DSC2: variants seen among roughly 807,000 people sequenced by gnomAD.
The protein encoded by DSC2 is desmocollin-2.
In DSC2, 51 loss-of-function variants were observed where a neutral mutation model predicts 87.6. The observed-to-expected ratio is 0.58, with a 90% CI of 0.46 to 0.74. DSC2 has a LOEUF of 0.74. Ranked by LOEUF, DSC2 falls within the 30% of genes least tolerant of loss-of-function variation. DSC2 has a pLI of 0.00. For synonymous variants in DSC2, 383 were observed against 393.2 expected (o/e 0.97, Z 0.31); for missense variants, 1,066 against 1,089.5 (o/e 0.98, Z 0.30).
In DSC2 at chr18:31,064,415, TACAA is replaced by T. The variant is rs1165920776; in HGVS notation, c.*3596_*3599del. On this transcript the variant is annotated 3_prime_UTR_variant, in exon 16 of 16. Transcript: ENST00000280904. ...CTGGGAAGGCATCAAATGACTACAGTACAAACAAAGTATTTAATGAATGAAATTG... is the reference window on the plus strand; with the variant it reads ...CTGGGAAGGCATCAAATGACTACAGTACAAAGTATTTAATGAATGAAATTG... 8 of 152,272 alleles carry T rather than the reference TACAA, an allele frequency of 5.3e-5. No homozygotes were observed. Among genetic ancestry groups the T allele is most frequent in the South Asian group, 2.1e-4 (1 of 4,828 alleles). The allele number at this position is 152,272 out of a possible 1,614,324, so 9.4% of individuals were successfully genotyped here.
rs563005744 is a variant in DSC2, at chr18:31,070,948, T to A, written c.2126-98A>T. On this transcript the variant is annotated intron_variant, in intron 13 of 15. Transcript: ENST00000280904. Reference sequence around the variant, plus strand: ...CACACATAAATCATAAACTTAAAAGTGTATATTAAAAGAAGACAGCTTTCC... The same window carrying A: ...CACACATAAATCATAAACTTAAAAGAGTATATTAAAAGAAGACAGCTTTCC... 3.8e-4 allele frequency: 551 copies of A among 1,439,284 alleles called. 1 individual carries two copies. The highest frequency in any genetic ancestry group is 4.9e-4 in the Non-Finnish European group (507 of 1,041,608). 89.2% of individuals were successfully genotyped at this position (1,439,284 alleles called of 1,614,324 possible). A position where few individuals can be genotyped will look rare whatever the true frequency, so the allele number is the denominator to read the frequency against.
intron 1 of DSC2, 58 bp downstream of exon 1, chr18:31,101,845 C>G: frequency 8.0e-7 from 1 of 1,256,794 alleles, no homozygotes; most frequent in South Asian, 1.3e-5. Context: ...CCCTAGTTTT[C>G]CTCTGCACCC....
rs1987627582 is a variant in DSC2, at chr18:31,092,249, G to T, written c.206C>A (p.Pro69His). 6.2e-7 allele frequency: 1 copy of T among 1,613,600 alleles called. No individual in the cohort carries two copies. Among genetic ancestry groups the T allele is most frequent in the African/African-American group, 1.3e-5 (1 of 74,870 alleles). ...TAANLIHSSD[P>H]DFQILEDGSV... ...ACCATCCTCCAAAATTTGGAAGTCA[G>T]GATCACTTGAATGAATTAGATTTGC... The change falls in exon 3 of 16, where the codon CCT (proline) becomes CAT (histidine). Residue 69 changes from proline (P) to histidine (H), a missense_variant. Pro to His is a moderately conservative substitution (Grantham distance 77). Transcript: ENST00000280904.
In DSC2 at chr18:31,064,377, A is replaced by G. The variant is rs1317489091; in HGVS notation, c.*3638T>C. On this transcript the variant is annotated 3_prime_UTR_variant, in exon 16 of 16. Transcript: ENST00000280904. Reference sequence around the variant, plus strand: ...CTTCTAGTCTCTGTTTTAAAAGGCTACATATGACTGCACTGGGAAGGCATC... The same window carrying G: ...CTTCTAGTCTCTGTTTTAAAAGGCTGCATATGACTGCACTGGGAAGGCATC... 1 of 152,204 alleles carries G rather than the reference A, an allele frequency of 6.6e-6. No homozygotes were observed. The highest frequency in any genetic ancestry group is 2.4e-5 in the African/African-American group (1 of 41,460). The allele number at this position is 152,204 out of a possible 1,614,324, so 9.4% of individuals were successfully genotyped here.
intron 1 of DSC2, among the ~76,000 whole-genome samples, chr18:31,096,602 C>T (rs1262334901): frequency 6.6e-6 from 1 of 152,170 alleles, no homozygotes; most frequent in African/African-American, 2.4e-5. Context: ...GAAGGCTTGA[C>T]ATGTGATCAC....
chr18:31,086,489 A>C (rs915506567), intron 7 of DSC2, 87 bp downstream of exon 7: 6 of 1,468,800 alleles, frequency 4.1e-6, no homozygotes, highest in Non-Finnish European at 5.7e-6. Flanking sequence ...GATTCACAAC[A>C]TACTTTTCAA....
chr18:31,096,949 TTAAG>T (rs1437463378), intron 1 of DSC2, among the ~76,000 whole-genome samples: 4 of 151,988 alleles, frequency 2.6e-5, no homozygotes, highest in Non-Finnish European at 5.9e-5. Flanking sequence ...AAGAAGAGAC[TTAAG>T]TAAGGAAGCA....
rs779088876 is a variant in DSC2, at chr18:31,068,914, T to G, written c.2488A>C (p.Thr830Pro). 6.2e-7 allele frequency: 1 copy of G among 1,613,634 alleles called. No homozygotes were observed. The highest frequency in any genetic ancestry group is 2.2e-5 in the East Asian group (1 of 44,876). Residue 830 changes from threonine (T) to proline (P), a missense_variant, in exon 15 of 16, where the codon ACT (threonine) becomes CCT (proline). Coordinates refer to ENST00000280904, the MANE Select transcript of DSC2 (RefSeq NM_024422.6). Reference protein sequence around the residue: ...RYTYSEWHSFTQPRLGEKVYL... With the variant: ...RYTYSEWHSFPQPRLGEKVYL... ...CTCACTTCACCAAGACGGGGCTGAGTAAAACTGTGCCACTCCGAGTAAGTG... is the reference window on the plus strand; with the variant it reads ...CTCACTTCACCAAGACGGGGCTGAGGAAAACTGTGCCACTCCGAGTAAGTG...
intron 1 of DSC2, among the ~76,000 whole-genome samples, chr18:31,099,758 G>A (rs1483097896): frequency 6.6e-6 from 1 of 152,116 alleles, no homozygotes; most frequent in African/African-American, 2.4e-5. Context: ...AGCCAGGTGT[G>A]GTCTGAAGAA....
At position 31,102,215 on chromosome 18, in the gene DSC2, C is replaced by G. The variant is rs1272136631; in HGVS notation, c.-244G>C. ...CGCGTCCAAAAGACACCGATCGGCCCCTCCTTGTTGTCTATTTAAGACTTA... is the reference window on the plus strand; with the variant it reads ...CGCGTCCAAAAGACACCGATCGGCCGCTCCTTGTTGTCTATTTAAGACTTA... On this transcript the variant is annotated 5_prime_UTR_variant, in exon 1 of 16. Transcript: ENST00000280904. The G allele has an allele frequency of 4.6e-6, 2 of 437,794 alleles. No individual in the cohort carries two copies. Among genetic ancestry groups the G allele is most frequent in the Non-Finnish European group, 7.9e-6 (2 of 251,704 alleles). The allele number at this position is 437,794 out of a possible 1,614,324, so 27.1% of individuals were successfully genotyped here. A position where few individuals can be genotyped will look rare whatever the true frequency, so the allele number is the denominator to read the frequency against.
At chr18:31,083,725 A>G (rs1336050713) in intron 7 of DSC2, among the ~76,000 whole-genome samples, 1 of 152,212 alleles carries the variant, frequency 6.6e-6, no homozygotes, top group Non-Finnish European at 1.5e-5. Context: ...TGTGGAAAAT[A>G]GAATCTGGCT....
rs1227635043 is a variant in DSC2, at chr18:31,066,298, G to A, written c.*1717C>T. 1 of 152,108 alleles carries A rather than the reference G, an allele frequency of 6.6e-6. No homozygotes were observed. The highest frequency in any genetic ancestry group is 1.5e-5 in the Non-Finnish European group (1 of 68,006). The allele number at this position is 152,108 out of a possible 1,614,324, so 9.4% of individuals were successfully genotyped here. A position where few individuals can be genotyped will look rare whatever the true frequency, so the allele number is the denominator to read the frequency against. ...TCTAAGGAAGGGGTCTTACTTCTCT[G>A]ATTCAGGGAGTGCGAAATCCCTTAA... On this transcript the variant is annotated 3_prime_UTR_variant, in exon 16 of 16. Coordinates refer to ENST00000280904, the MANE Select transcript of DSC2 (RefSeq NM_024422.6).
chr18:31,093,789 T>A (rs1257215334), intron 1 of DSC2, 146 bp from the exon 2 acceptor site: 1 of 207,742 alleles, frequency 4.8e-6, no homozygotes, highest in Non-Finnish European at 8.9e-6. Context: ...TATTACATAT[T>A]GACTACACTA....
intron 11 of DSC2, among the ~76,000 whole-genome samples, chr18:31,076,883 A>G (rs1200762495): frequency 6.6e-6 from 1 of 152,220 alleles, no homozygotes; most frequent in Admixed American, 6.5e-5. Context: ...TCGACAGAAC[A>G]AGAAGCATCA....
At chr18:31,092,735 A>G (rs1232804037) in intron 2 of DSC2, among the ~76,000 whole-genome samples, 3 of 152,298 alleles carry the variant, frequency 2.0e-5, no homozygotes, top group East Asian at 3.9e-4. Flanking sequence ...ATTTTATGCT[A>G]TCATTGGATT....
intron 11 of DSC2, 102 bp downstream of exon 11, chr18:31,079,745 C>T: frequency 7.5e-7 from 1 of 1,338,466 alleles, no homozygotes; most frequent in Non-Finnish European, 1.1e-6. Context: ...GATATGAAAA[C>T]AGAGTGCATG....
At chr18:31,077,438 C>A (rs895044565) in intron 11 of DSC2, among the ~76,000 whole-genome samples, 1 of 152,190 alleles carries the variant, frequency 6.6e-6, no homozygotes, top group Non-Finnish European at 1.5e-5. Context: ...TCTTTAAAAA[C>A]TGAACTCTAT....
At chr18:31,097,369 A>G (rs1215425862) in intron 1 of DSC2, among the ~76,000 whole-genome samples, 2 of 151,830 alleles carry the variant, frequency 1.3e-5, no homozygotes, top group African/African-American at 4.9e-5. Flanking sequence ...AAACATGTAA[A>G]GCCTATTTGA....
In DSC2 at chr18:31,083,081, T is replaced by G. The variant is rs28685860; in HGVS notation, c.943-21A>C. The stretch of plus-strand genomic sequence containing the variant: ...ATTAACTGAAAACAAAAAAAGAATT[T>G]AATTATTGGGGGAAAGCACCAACAT... On this transcript the variant is annotated intron_variant, in intron 7 of 15. Coordinates refer to ENST00000280904, the MANE Select transcript of DSC2 (RefSeq NM_024422.6). The G allele has an allele frequency of 1.1e-4, 175 of 1,605,006 alleles. No individual in the cohort carries two copies. The African/African-American group carries it at 2.0e-3, about 18-fold the overall frequency.
Sources: allele counts gnomAD v4.1 joint callset (sites outside exome capture counted in the v4.1 genomes callset), GRCh38; gene constraint gnomAD v4.1.1; transcripts MANE v1.5; gene names NCBI Gene and HGNC (gene_info 2026-07-23, HGNC 2026-07-21).